Variants in CTNNA2 observed in about 807,000 individuals in gnomAD.
CTNNA2 encodes catenin alpha-2.
Under a neutral mutation model 101.0 loss-of-function variants are expected in CTNNA2, and 42 were observed. The observed-to-expected ratio is 0.42, with a 90% CI of 0.32 to 0.54. The LOEUF (loss-of-function observed/expected upper bound fraction) is 0.54, where lower values mean the gene tolerates loss of function less well. CTNNA2 is among the 20% of genes least tolerant of loss of function. The pLI, the probability that CTNNA2 is intolerant of heterozygous loss-of-function variation, is 0.14. For missense variants in CTNNA2, 871 were observed against 1,223.1 expected (o/e 0.71, Z 4.29); for synonymous variants, 450 against 456.4 (o/e 0.99, Z 0.18).
intron 3 of CTNNA2, among the ~76,000 whole-genome samples, chr2:79,839,865 A>G (rs780525894): frequency 6.6e-6 from 1 of 152,044 alleles, no homozygotes; most frequent in Non-Finnish European, 1.5e-5. Flanking sequence ...AAGTTCTTGG[A>G]TTGTTAATTC....
chr2:80,242,455 G>C lies in CTNNA2; in HGVS notation c.1057-150756G>C, dbSNP rs899048153. On this transcript the variant is annotated intron_variant, in intron 7 of 18. Transcript: ENST00000402739. ...CAGGCTGACTCCTCTGTTGGAGCTG[G>C]GAGAGTCCTGCTTCAATTTATCTCT... 2.0e-5 allele frequency among the ~76,000 whole-genome samples: 3 copies of C among 152,258 alleles called. No individual in the cohort carries two copies. The East Asian group carries it at 5.8e-4, about 29-fold the overall frequency.
chr2:80,493,891 TA>T (rs1365870926), intron 9 of CTNNA2, among the ~76,000 whole-genome samples: 1 of 152,156 alleles, frequency 6.6e-6, no homozygotes, highest in Non-Finnish European at 1.5e-5. Context: ...TTTAAAAAGT[TA>T]TATGATCTGA....
rs117957469 is a variant in CTNNA2 at position 79,465,963 on chromosome 2, G to A, written c.-134-39091G>A. Among the ~76,000 whole-genome samples, 1,648 of 152,264 alleles carry A rather than the reference G, an allele frequency of 0.011. 80 individuals carry two copies. In the East Asian group the frequency reaches 0.13, roughly 12 times the overall value. On this transcript the variant is annotated intron_variant, in intron 4 of 21. Coordinates refer to the CTNNA2 transcript ENST00000466387. Reference sequence around the variant, plus strand: ...GTCTACAGCTCCCAGCATGAGTGACGTAAAAAACAGGTGATTTCTGCATTT... The same window carrying A: ...GTCTACAGCTCCCAGCATGAGTGACATAAAAAACAGGTGATTTCTGCATTT...
intron 7 of CTNNA2, among the ~76,000 whole-genome samples, chr2:79,962,580 T>A (rs978950442): frequency 6.6e-6 from 1 of 152,208 alleles, no homozygotes; most frequent in Non-Finnish European, 1.5e-5. Context: ...AGGTATTATG[T>A]GTTGCATATA....
chr2:79,985,947 C>G (rs924978896), intron 7 of CTNNA2, among the ~76,000 whole-genome samples: 6 of 152,154 alleles, frequency 3.9e-5, no homozygotes, highest in Non-Finnish European at 5.9e-5. Flanking sequence ...TGCCCACACC[C>G]CAGGCAACAA....
intron 1 of CTNNA2, among the ~76,000 whole-genome samples, chr2:79,647,522 G>C (rs1345242495): frequency 3.3e-5 from 5 of 151,602 alleles, no homozygotes; most frequent in African/African-American, 1.2e-4. Context: ...TTTTTTTTCA[G>C]TATACGTTCC....
intron 1 of CTNNA2, among the ~76,000 whole-genome samples, chr2:79,593,615 C>T (rs930246796): frequency 2.0e-5 from 3 of 151,826 alleles, no homozygotes; most frequent in African/African-American, 4.8e-5. Context: ...GTTTCTCTGC[C>T]GTCCTTCTTC....
intron 9 of CTNNA2, among the ~76,000 whole-genome samples, chr2:80,484,788 C>T (rs527291225): frequency 1.3e-5 from 2 of 152,188 alleles, no homozygotes; most frequent in East Asian, 1.9e-4. Context: ...GGGCGGATCA[C>T]TAGGTCCGGA....
At chr2:80,162,645 C>T in intron 7 of CTNNA2, 1 of 1,612,376 alleles carries the variant, frequency 6.2e-7, no homozygotes, top group Non-Finnish European at 8.5e-7. Context: ...AGAATTCATT[C>T]TGACTTTACG....
intron 9 of CTNNA2, among the ~76,000 whole-genome samples, chr2:80,528,394 C>T (rs1285639062): frequency 6.6e-6 from 1 of 152,078 alleles, no homozygotes; most frequent in Non-Finnish European, 1.5e-5. Context: ...GATGGGGTTT[C>T]ACCGTGTTAG....
intron 3 of CTNNA2, among the ~76,000 whole-genome samples, chr2:79,812,851 G>C (rs1039224739): frequency 6.6e-6 from 1 of 152,084 alleles, no homozygotes; most frequent in Non-Finnish European, 1.5e-5. Context: ...GCCACCTTAA[G>C]TAGGTCATGC....
chr2:79,907,352 T>C lies in CTNNA2; in HGVS notation c.853-2242T>C, dbSNP rs73938414. Reference sequence around the variant, plus strand: ...ATATATACACACACACACACACACATACATATATACATATGTTCATCATAA... The same window carrying C: ...ATATATACACACACACACACACACACACATATATACATATGTTCATCATAA... On this transcript the variant is annotated intron_variant, in intron 6 of 18. Coordinates refer to ENST00000402739, the MANE Select transcript of CTNNA2 (RefSeq NM_001282597.3). Among the ~76,000 whole-genome samples the C allele has an allele frequency of 5.4e-3, 664 of 122,692 alleles. 6 individuals are homozygous for C. Among genetic ancestry groups the C allele is most frequent in the African/African-American group, 0.018 (590 of 32,742 alleles). 80.5% of individuals were successfully genotyped at this position (122,692 alleles called of 152,430 possible).
intron 2 of CTNNA2, among the ~76,000 whole-genome samples, chr2:79,712,172 G>A (rs893450548): frequency 2.6e-5 from 4 of 152,106 alleles, no homozygotes; most frequent in African/African-American, 9.7e-5. Context: ...GACATTATTA[G>A]CTCGATCTTT....
intron 9 of CTNNA2, among the ~76,000 whole-genome samples, chr2:80,518,186 T>A (rs1573106100): frequency 6.6e-6 from 1 of 152,366 alleles, no homozygotes; most frequent in East Asian, 1.9e-4. Flanking sequence ...ATTTTTCATA[T>A]TCAGTTAAGT....
intron 12 of CTNNA2, among the ~76,000 whole-genome samples, chr2:80,557,833 T>A (rs1032768099): frequency 1.3e-5 from 2 of 152,184 alleles, no homozygotes; most frequent in Admixed American, 6.5e-5. Flanking sequence ...ATGTAAATAA[T>A]GTTCTGGTTG....
chr2:79,661,876 A>T (rs1403437020), intron 2 of CTNNA2, among the ~76,000 whole-genome samples: 5 of 152,088 alleles, frequency 3.3e-5, no homozygotes, highest in Non-Finnish European at 7.4e-5. Flanking sequence ...GATAGATCAC[A>T]TAATTAAAGG....
chr2:79,811,636 A>G (rs116072114), intron 3 of CTNNA2, among the ~76,000 whole-genome samples: 55 of 152,306 alleles, frequency 3.6e-4, no homozygotes, highest in African/African-American at 1.3e-3. Flanking sequence ...TATCTTTATA[A>G]GAATCTTGAA....
intron 7 of CTNNA2, among the ~76,000 whole-genome samples, chr2:80,383,217 C>T (rs894765490): frequency 6.6e-6 from 1 of 152,196 alleles, no homozygotes; most frequent in Non-Finnish European, 1.5e-5. Context: ...TAACCTTACA[C>T]AGGTGCCAAC....
chr2:79,477,029 C>G (rs1671057237), intron 4 of CTNNA2, among the ~76,000 whole-genome samples: 1 of 152,170 alleles, frequency 6.6e-6, no homozygotes, highest in Admixed American at 6.5e-5. Flanking sequence ...CAATACAGAA[C>G]AAAAGTGTTT....
Sources: allele counts gnomAD v4.1 joint callset (sites outside exome capture counted in the v4.1 genomes callset), GRCh38; gene constraint gnomAD v4.1.1; transcripts MANE v1.5; gene names NCBI Gene and HGNC (gene_info 2026-07-23, HGNC 2026-07-21).